The following MPP7 variants were observed in gnomAD, a reference collection of about 807,000 sequenced individuals.
MPP7 encodes the protein MAGUK p55 scaffold protein 7, also known as MAGUK p55 subfamily member 7.
A neutral mutation model predicts 76.5 loss-of-function variants in MPP7; 60 were observed. The observed-to-expected ratio is 0.78, with a 90% confidence interval of 0.64 to 0.97. The LOEUF (loss-of-function observed/expected upper bound fraction) is 0.97, where lower values mean the gene tolerates loss of function less well. Among genes scored for constraint, MPP7 ranks in the 50% least tolerant of loss-of-function variants. The pLI is 0.00. For missense variants in MPP7, 641 were observed against 694.0 expected, an observed-to-expected ratio of 0.92 and a Z score of 0.86; for synonymous variants, 237 against 244.5, an observed-to-expected ratio of 0.97 and a Z score of 0.29.
chr10:28,224,058 G>A (rs1222842029), intron 2 of MPP7, among the ~76,000 whole-genome samples: 1 of 151,418 alleles, frequency 6.6e-6, no homozygotes, highest in Admixed American at 6.6e-5. Flanking sequence ...TAGCGTACAC[G>A]CCTATAATCC....
At chr10:28,295,140 T>C (rs1476368423) in intron 1 of MPP7, among the ~76,000 whole-genome samples, 1 of 152,188 alleles carries the variant, frequency 6.6e-6, no homozygotes, top group African/African-American at 2.4e-5. Context: ...TATGCTAAAG[T>C]TTGAGAACCA....
intron 1 of MPP7, among the ~76,000 whole-genome samples, chr10:28,331,201 T>C (rs1834467061): frequency 6.6e-6 from 1 of 152,154 alleles, no homozygotes; most frequent in Non-Finnish European, 1.5e-5. Context: ...TCAGAGTCCA[T>C]TTAGACTTTC....
intron 1 of MPP7, among the ~76,000 whole-genome samples, chr10:28,260,769 C>CA (rs772017051): frequency 0.12 from 8,005 of 64,418 alleles, 396 homozygotes; most frequent in Non-Finnish European, 0.18. Flanking sequence ...GACTCCATCT[C>CA]AAAAAAAAAA....
chr10:28,228,365 G>A (rs1838766409), intron 2 of MPP7, among the ~76,000 whole-genome samples: 1 of 152,094 alleles, frequency 6.6e-6, no homozygotes, highest in South Asian at 2.1e-4. Flanking sequence ...TAAGGATAAA[G>A]GATCATGATT....
intron 3 of MPP7, among the ~76,000 whole-genome samples, chr10:28,178,424 A>C (rs1836946668): frequency 6.6e-6 from 1 of 152,050 alleles, no homozygotes; most frequent in African/African-American, 2.4e-5. Flanking sequence ...GAAAGCCCCC[A>C]CAGGATAAAC....
intron 13 of MPP7, among the ~76,000 whole-genome samples, chr10:28,064,670 T>C (rs980009658): frequency 6.6e-6 from 1 of 152,234 alleles, no homozygotes; most frequent in Non-Finnish European, 1.5e-5. Flanking sequence ...AATGAATTTA[T>C]AAAATCCAAC....
chr10:28,063,832 TG>T (rs946958443), intron 13 of MPP7, among the ~76,000 whole-genome samples: 2 of 152,178 alleles, frequency 1.3e-5, no homozygotes, highest in Non-Finnish European at 2.9e-5. Flanking sequence ...CCAAAAAGTT[TG>T]GGGACCGCTG....
chr10:28,300,683 G>C (rs1841133705), intron 1 of MPP7, among the ~76,000 whole-genome samples: 1 of 152,130 alleles, frequency 6.6e-6, no homozygotes, highest in African/African-American at 2.4e-5. Flanking sequence ...TGGGTGCAAT[G>C]GCTCACGCCT....
intron 1 of MPP7, among the ~76,000 whole-genome samples, chr10:28,239,743 G>A (rs1246345461): frequency 2.0e-5 from 3 of 152,158 alleles, no homozygotes; most frequent in African/African-American, 7.2e-5. Context: ...TAGCATAGTA[G>A]CTAAGAACAA....
chr10:28,163,665 T>C (rs973364336), intron 3 of MPP7, among the ~76,000 whole-genome samples: 3 of 152,068 alleles, frequency 2.0e-5, no homozygotes, highest in African/African-American at 7.2e-5. Context: ...TACTATATTT[T>C]GGCCAGGCAC....
intron 11 of MPP7, among the ~76,000 whole-genome samples, chr10:28,101,170 T>G (rs1280446390): frequency 1.3e-5 from 2 of 152,134 alleles, no homozygotes; most frequent in African/African-American, 2.4e-5. Context: ...ATGCTGAGAT[T>G]ATGCAGCGTT....
chr10:28,200,953 T>C (rs1327538794), intron 3 of MPP7, among the ~76,000 whole-genome samples: 1 of 152,154 alleles, frequency 6.6e-6, no homozygotes, highest in African/African-American at 2.4e-5. Context: ...CCCATAGCTA[T>C]CCAACTTCCA....
chr10:28,085,037 C>T (rs73606051), intron 12 of MPP7, among the ~76,000 whole-genome samples: 5,157 of 152,186 alleles, frequency 0.034, 272 homozygotes, highest in African/African-American at 0.11. Flanking sequence ...TTTCACAAAG[C>T]AAGGAGGTAT....
At chr10:28,124,162 A>C (rs764135449) in intron 7 of MPP7, 46 bp from the exon 8 acceptor site, 1 of 1,268,808 alleles carries the variant, frequency 7.9e-7, no homozygotes. Context: ...ACCCACAACC[A>C]AAACTGTAAT....
intron 3 of MPP7, among the ~76,000 whole-genome samples, chr10:28,184,395 A>T (rs1837159769): frequency 6.7e-6 from 1 of 148,394 alleles, no homozygotes; most frequent in Non-Finnish European, 1.5e-5. Context: ...TTATTAATAT[A>T]TTACAATATT....
chr10:28,128,567 C>T (rs1465577079), intron 6 of MPP7, among the ~76,000 whole-genome samples: 1 of 152,052 alleles, frequency 6.6e-6, no homozygotes, highest in Non-Finnish European at 1.5e-5. Context: ...AAGGATTTCC[C>T]AACAGATTGC....
intron 12 of MPP7, among the ~76,000 whole-genome samples, chr10:28,079,357 A>G (rs1489984416): frequency 2.6e-5 from 4 of 152,120 alleles, no homozygotes; most frequent in South Asian, 2.1e-4. Flanking sequence ...CACAAAAAAA[A>G]AAAGAAAGAA....
chr10:28,101,390 A>G (rs1853817824), intron 11 of MPP7, among the ~76,000 whole-genome samples: 1 of 152,186 alleles, frequency 6.6e-6, no homozygotes, highest in Non-Finnish European at 1.5e-5. Context: ...AACTTGTTGA[A>G]GATCAGTGTT....
At chr10:28,194,283 G>A (rs1406096538) in intron 3 of MPP7, among the ~76,000 whole-genome samples, 2 of 152,150 alleles carry the variant, frequency 1.3e-5, no homozygotes, top group Non-Finnish European at 2.9e-5. Context: ...CAAAGTGCTG[G>A]GATTACAGGC....
Sources: gnomAD v4.1 joint callset for allele counts (sites outside exome capture counted in the v4.1 genomes callset) on GRCh38, gnomAD v4.1.1 for gene constraint, MANE v1.5 for transcripts, NCBI Gene and HGNC (gene_info 2026-07-23, HGNC 2026-07-21) for gene names.